Variants in FOXP2 observed in about 807,000 individuals in gnomAD.
FOXP2 encodes the protein forkhead box P2.
FOXP2 carries 12 observed loss-of-function variants against 115.8 expected under a neutral mutation model. The ratio of observed to expected loss-of-function variants is 0.10; its 90% CI spans 0.07 to 0.17. The LOEUF is 0.17. FOXP2 is among the 10% of genes least tolerant of loss of function. The pLI is 1.00. For synonymous variants in FOXP2, 328 were observed against 297.7 expected (o/e 1.10, Z -1.05); for missense variants, 629 against 843.5 (o/e 0.75, Z 3.15).
intron 2 of FOXP2, among the ~76,000 whole-genome samples, chr7:114,533,823 T>C (rs1682662622): frequency 6.6e-6 from 1 of 152,048 alleles, no homozygotes; most frequent in East Asian, 1.9e-4. Flanking sequence ...CTTTTATATG[T>C]TAAGTTTATA....
chr7:114,690,131 T>TCTTCTTC lies in FOXP2; in HGVS notation c.*205_*206insCTTCTTC, dbSNP rs766446822. On this transcript the variant is annotated 3_prime_UTR_variant, in exon 17 of 17. Transcript: ENST00000350908. ...CTTGTTTTCTTCTTCTTCTTCTTCT[T>TCTTCTTC]TTTTTTTTTTTTTTTAGAAAAAAAG... 2.2e-5 allele frequency: 3 copies of TCTTCTTC among 133,856 alleles called. No individual in the cohort carries two copies. The highest frequency in any genetic ancestry group is 1.3e-3 in the Middle Eastern group (1 of 796). The allele number at this position is 133,856 out of a possible 1,614,324, so 8.3% of individuals were successfully genotyped here. A position where few individuals can be genotyped will look rare whatever the true frequency, so the allele number is the denominator to read the frequency against.
chr7:114,287,831 TA>T (rs1012223552), intron 1 of FOXP2, among the ~76,000 whole-genome samples: 30 of 151,994 alleles, frequency 2.0e-4, no homozygotes, highest in African/African-American at 7.2e-4. Context: ...GAAAGTTCTC[TA>T]AATTAAAATG....
At chr7:114,122,391 C>T (rs1273544728) in intron 1 of FOXP2, among the ~76,000 whole-genome samples, 3 of 150,788 alleles carry the variant, frequency 2.0e-5, no homozygotes, top group Non-Finnish European at 4.4e-5. Flanking sequence ...TGTATCGCTC[C>T]CTGTTTTCTT....
intron 2 of FOXP2, among the ~76,000 whole-genome samples, chr7:114,342,640 A>G (rs1234912440): frequency 6.6e-6 from 1 of 151,432 alleles, no homozygotes; most frequent in Non-Finnish European, 1.5e-5. Flanking sequence ...GAATCTCAAA[A>G]GTGTATTTGT....
At chr7:114,222,935 A>G (rs763637924) in intron 1 of FOXP2, among the ~76,000 whole-genome samples, 1 of 152,220 alleles carries the variant, frequency 6.6e-6, no homozygotes, top group Non-Finnish European at 1.5e-5. Flanking sequence ...TTGCCAATAC[A>G]ATGCATTCAT....
chr7:114,231,061 A>G (rs951048094), intron 1 of FOXP2, among the ~76,000 whole-genome samples: 5 of 151,978 alleles, frequency 3.3e-5, no homozygotes, highest in African/African-American at 9.7e-5. Flanking sequence ...TACGATATCA[A>G]CATACAAAAA....
intron 1 of FOXP2, among the ~76,000 whole-genome samples, chr7:114,182,856 ATAT>A (rs955458636): frequency 2.0e-5 from 3 of 152,134 alleles, no homozygotes; most frequent in Non-Finnish European, 4.4e-5. Context: ...CATAATGTAC[ATAT>A]TATAGGCCAT....
chr7:114,355,493 G>T (rs573534737), intron 2 of FOXP2, among the ~76,000 whole-genome samples: 3 of 152,250 alleles, frequency 2.0e-5, no homozygotes, highest in East Asian at 3.9e-4. Context: ...GAAATCAAGT[G>T]TAATAGTTTC....
At chr7:114,571,236 A>T (rs1801286223) in intron 3 of FOXP2, among the ~76,000 whole-genome samples, 1 of 151,934 alleles carries the variant, frequency 6.6e-6, no homozygotes. Flanking sequence ...TTGATTCAAC[A>T]CATATTTTAG....
At chr7:114,137,965 T>A (rs989514345) in intron 1 of FOXP2, among the ~76,000 whole-genome samples, 1 of 152,000 alleles carries the variant, frequency 6.6e-6, no homozygotes, top group Admixed American at 6.6e-5. Context: ...CAGGGATCCT[T>A]AGAGAAATAG....
At chr7:114,492,930 G>A (rs180895882) in intron 2 of FOXP2, among the ~76,000 whole-genome samples, 93 of 152,198 alleles carry the variant, frequency 6.1e-4, no homozygotes, top group African/African-American at 2.1e-3. Context: ...TATTAAGTCC[G>A]CTTGGTGCAG....
intron 2 of FOXP2, among the ~76,000 whole-genome samples, chr7:114,529,515 A>G (rs1262143889): frequency 6.6e-6 from 1 of 151,850 alleles, no homozygotes; most frequent in Non-Finnish European, 1.5e-5. Flanking sequence ...TATAATTATT[A>G]TACAATAAGT....
rs1035311429 is a variant in FOXP2, at chr7:114,457,183, T to C, written c.168+30504T>C. On this transcript the variant is annotated intron_variant, in intron 2 of 16. Transcript: ENST00000350908. ...TCTTACCACACACATCAAAAAAGGG[T>C]AACTACAGAAGAGAATGGATATGTT... Among the ~76,000 whole-genome samples the C allele has an allele frequency of 1.3e-5, 2 of 152,132 alleles. 1 individual carries two copies. Among genetic ancestry groups the C allele is most frequent in the Admixed American group, 1.3e-4 (2 of 15,274 alleles).
At chr7:114,567,465 A>G (rs1801082764) in intron 3 of FOXP2, among the ~76,000 whole-genome samples, 1 of 152,046 alleles carries the variant, frequency 6.6e-6, no homozygotes, top group South Asian at 2.1e-4. Context: ...TAAATGACTT[A>G]CTCTTTATTG....
chr7:114,684,216 G>A (rs944217576), intron 16 of FOXP2, among the ~76,000 whole-genome samples: 2 of 151,896 alleles, frequency 1.3e-5, no homozygotes, highest in Admixed American at 1.3e-4. Flanking sequence ...ATTTTTCCAC[G>A]AGGTTCTTTA....
intron 2 of FOXP2, among the ~76,000 whole-genome samples, chr7:114,471,795 C>CA (rs767129922): frequency 0.019 from 2,284 of 121,376 alleles, 20 homozygotes; most frequent in African/African-American, 0.021. Flanking sequence ...ACTAAAAATA[C>CA]AAAAAAAAAA....
intron 3 of FOXP2, among the ~76,000 whole-genome samples, chr7:114,605,394 T>A (rs1803263056): frequency 6.6e-6 from 1 of 152,238 alleles, no homozygotes; most frequent in South Asian, 2.1e-4. Context: ...GGAATATTTT[T>A]TGAACCCCTA....
chr7:114,207,575 C>A (rs909083920), intron 1 of FOXP2, among the ~76,000 whole-genome samples: 1 of 152,068 alleles, frequency 6.6e-6, no homozygotes, highest in Non-Finnish European at 1.5e-5. Context: ...TTTAGTAATG[C>A]CTGTTGACAT....
rs774663934 is a variant in FOXP2 at position 114,691,941 on chromosome 7, AAG to A, written c.*2017_*2018del. 1.3e-4 allele frequency: 50 copies of A among 396,536 alleles called. No homozygotes were observed. The highest frequency in any genetic ancestry group is 9.9e-4 in the East Asian group (14 of 14,112). 24.6% of individuals were successfully genotyped at this position (396,536 alleles called of 1,614,324 possible). ...GCTTCTACCTCTGCAAAAAAAAAAA[AAG>A]AAAAAAAAAAAAAGAAAAACATTAG... On this transcript the variant is annotated 3_prime_UTR_variant, in exon 17 of 17. Coordinates refer to ENST00000350908, the MANE Select transcript of FOXP2 (RefSeq NM_014491.4).
Sources: allele counts gnomAD v4.1 joint callset (sites outside exome capture counted in the v4.1 genomes callset), GRCh38; gene constraint gnomAD v4.1.1; transcripts MANE v1.5; gene names NCBI Gene and HGNC (gene_info 2026-07-23, HGNC 2026-07-21).